Variants in SUMF1 observed in about 807,000 individuals in gnomAD.
SUMF1 encodes sulfatase modifying factor 1, also known as formylglycine-generating enzyme.
SUMF1 carries 48 observed loss-of-function variants against 47.6 expected under a neutral mutation model. The ratio of observed to expected loss-of-function variants is 1.01; its 90% CI spans 0.80 to 1.28. SUMF1 has a LOEUF of 1.28. Among genes scored for constraint, SUMF1 ranks in the 50% most tolerant of loss-of-function variants. The probability of loss-of-function intolerance (pLI) is 0.00; values close to 1 mark genes in which losing one functional copy is unlikely to be tolerated. For synonymous variants in SUMF1, 230 were observed against 192.1 expected (o/e 1.20, Z -1.63); for missense variants, 571 against 485.4 (o/e 1.18, Z -1.66).
intron 8 of SUMF1, among the ~76,000 whole-genome samples, chr3:4,258,186 C>G (rs1697000075): frequency 6.7e-6 from 1 of 149,776 alleles, no homozygotes; most frequent in Non-Finnish European, 1.5e-5. Flanking sequence ...CATTACCATT[C>G]AGGACATAGG....
In SUMF1 at chr3:4,303,416, G is replaced by A. The variant is rs764471589; in HGVS notation, c.1014+72914C>T. The A allele has an allele frequency of 1.9e-6, 3 of 1,555,418 alleles. No individual in the cohort carries two copies. In the African/African-American group the frequency reaches 4.3e-5, roughly 22 times the overall value. On this transcript the variant is annotated intron_variant and NMD_transcript_variant, in intron 8 of 12. Coordinates refer to the SUMF1 transcript ENST00000448413. ...GACGACACGGCCTTGTGGGATGGCGGAGTTTAAGGAGAAGCCTGAGGCCCC... is the reference window on the plus strand; with the variant it reads ...GACGACACGGCCTTGTGGGATGGCGAAGTTTAAGGAGAAGCCTGAGGCCCC...
intron 8 of SUMF1, among the ~76,000 whole-genome samples, chr3:4,144,576 T>A (rs1254106506): frequency 6.6e-6 from 1 of 152,128 alleles, no homozygotes; most frequent in Non-Finnish European, 1.5e-5. Context: ...TACAAATGCA[T>A]TTCAATATTA....
chr3:4,145,262 C>A (rs1257768377), intron 8 of SUMF1, among the ~76,000 whole-genome samples: 1 of 150,986 alleles, frequency 6.6e-6, no homozygotes, highest in African/African-American at 2.4e-5. Context: ...TCAGACATCT[C>A]CGTTCATTGC....
intron 8 of SUMF1, among the ~76,000 whole-genome samples, chr3:4,216,035 A>C (rs139782624): frequency 0.013 from 2,019 of 152,298 alleles, 50 homozygotes; most frequent in African/African-American, 0.047. Context: ...AATTGGAAAA[A>C]ACTACCTTAA....
chr3:4,060,329 C>A (rs1396810395), intron 9 of SUMF1, among the ~76,000 whole-genome samples: 1 of 152,176 alleles, frequency 6.6e-6, no homozygotes, highest in Non-Finnish European at 1.5e-5. Context: ...ACACAGACTG[C>A]TGAACTAGGA....
At chr3:4,104,833 T>C (rs1261491958) in intron 8 of SUMF1, among the ~76,000 whole-genome samples, 1 of 152,082 alleles carries the variant, frequency 6.6e-6, no homozygotes, top group African/African-American at 2.4e-5. Flanking sequence ...CAAACATGTA[T>C]AGAGTCCTTT....
intron 8 of SUMF1, among the ~76,000 whole-genome samples, chr3:4,238,436 C>T (rs1696459427): frequency 6.6e-6 from 1 of 152,168 alleles, no homozygotes; most frequent in Admixed American, 6.5e-5. Flanking sequence ...TCTCCAGCAT[C>T]TGTTGTTTCC....
chr3:4,435,410 G>A (rs1461845638), intron 3 of SUMF1, among the ~76,000 whole-genome samples: 1 of 151,886 alleles, frequency 6.6e-6, no homozygotes, highest in Non-Finnish European at 1.5e-5. Context: ...GGAACCTCTG[G>A]GATACTATCA....
intron 8 of SUMF1, among the ~76,000 whole-genome samples, chr3:4,270,483 T>C (rs1023493704): frequency 5.9e-5 from 9 of 151,696 alleles, no homozygotes; most frequent in Non-Finnish European, 1.3e-4. Context: ...TACAGGTAAA[T>C]AGAAAGCTTA....
chr3:4,174,172 T>C (rs989999298), intron 8 of SUMF1, among the ~76,000 whole-genome samples: 1 of 151,638 alleles, frequency 6.6e-6, no homozygotes, highest in African/African-American at 2.4e-5. Flanking sequence ...CTGGCTAACA[T>C]GGTGAAACCC....
chr3:4,148,372 G>A lies in SUMF1; in HGVS notation c.1015-79627C>T, dbSNP rs557138664. The stretch of plus-strand genomic sequence containing the variant: ...AGAAGTTCTTTGCTTCAGTTTAGTA[G>A]GTGGAAAATAAGCAATAGTAATCTT... On this transcript the variant is annotated intron_variant and NMD_transcript_variant, in intron 8 of 12. Transcript: ENST00000448413. Among the ~76,000 whole-genome samples the A allele has an allele frequency of 4.6e-5, 7 of 152,194 alleles. No individual in the cohort carries two copies. The South Asian group carries it at 1.5e-3, about 32-fold the overall frequency.
chr3:4,132,226 A>G (rs1220878273), intron 8 of SUMF1, among the ~76,000 whole-genome samples: 1 of 152,118 alleles, frequency 6.6e-6, no homozygotes, highest in African/African-American at 2.4e-5. Flanking sequence ...CTCACCTACC[A>G]TCATGGTATT....
intron 8 of SUMF1, among the ~76,000 whole-genome samples, chr3:4,211,123 C>T (rs2322448): frequency 0.2 from 15,528 of 75,880 alleles, 2,041 homozygotes; most frequent in South Asian, 0.42. Context: ...TATATATATA[C>T]ACACACACAC....
chr3:4,213,285 A>G (rs1018010579), intron 8 of SUMF1, among the ~76,000 whole-genome samples: 3 of 152,218 alleles, frequency 2.0e-5, no homozygotes, highest in African/African-American at 7.2e-5. Context: ...AGAATTTTCA[A>G]CCGAGAATTT....
At chr3:4,459,802 T>G (rs533531735) in intron 1 of SUMF1, among the ~76,000 whole-genome samples, 2 of 152,292 alleles carry the variant, frequency 1.3e-5, no homozygotes, top group East Asian at 3.9e-4. Flanking sequence ...TTCAGTCTCC[T>G]TTCACATCCC....
At chr3:4,336,246 A>G (rs556277722) in intron 8 of SUMF1, among the ~76,000 whole-genome samples, 1 of 152,138 alleles carries the variant, frequency 6.6e-6, no homozygotes, top group South Asian at 2.1e-4. Flanking sequence ...AGCAAGCAAA[A>G]AGGGGAAAAA....
At chr3:4,368,436 T>G (rs990442111) in intron 8 of SUMF1, among the ~76,000 whole-genome samples, 4 of 152,166 alleles carry the variant, frequency 2.6e-5, no homozygotes, top group Admixed American at 2.6e-4. Context: ...TGGCGATTCC[T>G]CAGGGATCTA....
intron 8 of SUMF1, among the ~76,000 whole-genome samples, chr3:4,266,532 T>C (rs1471463050): frequency 6.6e-6 from 1 of 151,724 alleles, no homozygotes; most frequent in African/African-American, 2.4e-5. Flanking sequence ...CTGTTTGTCT[T>C]ATTGGTGTAT....
At chr3:4,416,035 C>A (rs1471684326) in intron 6 of SUMF1, among the ~76,000 whole-genome samples, 1 of 152,112 alleles carries the variant, frequency 6.6e-6, no homozygotes, top group Non-Finnish European at 1.5e-5. Context: ...GTAGTATTTT[C>A]TTACAGTAGC....
Sources: allele counts gnomAD v4.1 joint callset (sites outside exome capture counted in the v4.1 genomes callset), GRCh38; gene constraint gnomAD v4.1.1; transcripts MANE v1.5; gene names NCBI Gene and HGNC (gene_info 2026-07-23, HGNC 2026-07-21).